The following THADA variants were observed in gnomAD, a reference collection of about 807,000 sequenced individuals.
The protein encoded by THADA is tRNA (32-2'-O)-methyltransferase regulator THADA.
Under a neutral mutation model 219.8 loss-of-function variants are expected in THADA, and 213 were observed. The observed-to-expected ratio is 0.97, with a 90% CI of 0.87 to 1.09. The LOEUF is 1.09. Ranked by LOEUF, THADA falls within the 50% of genes least tolerant of loss-of-function variation. The pLI is 0.00. For synonymous variants in THADA, 1,018 were observed against 828.9 expected, an observed-to-expected ratio of 1.23 and a Z score of -3.92; for missense variants, 2,956 against 2,311.3, an observed-to-expected ratio of 1.28 and a Z score of -5.72.
At chr2:43,555,274 A>T (rs1697211508) in intron 17 of THADA, among the ~76,000 whole-genome samples, 1 of 151,746 alleles carries the variant, frequency 6.6e-6, no homozygotes, top group South Asian at 2.1e-4. Context: ...TATAAAATAC[A>T]GCCAGGATAA....
chr2:43,593,471 G>C (rs1701797598), intron 1 of THADA, among the ~76,000 whole-genome samples: 1 of 152,152 alleles, frequency 6.6e-6, no homozygotes, highest in Admixed American at 6.5e-5. Context: ...ACAAACAATG[G>C]AACTATTTCT....
intron 26 of THADA, among the ~76,000 whole-genome samples, 190 bp downstream of exon 26, chr2:43,485,044 C>T (rs1449646822): frequency 6.6e-6 from 1 of 151,874 alleles, no homozygotes; most frequent in African/African-American, 2.4e-5. Flanking sequence ...GAAAGGTCCA[C>T]TTATTAAACA....
At chr2:43,265,897 G>A (rs529476159) in intron 36 of THADA, among the ~76,000 whole-genome samples, 92 of 150,582 alleles carry the variant, frequency 6.1e-4, no homozygotes, top group Non-Finnish European at 7.8e-4. Flanking sequence ...TTAAGGGGGC[G>A]AGGATGATAA....
intron 35 of THADA, among the ~76,000 whole-genome samples, chr2:43,280,587 G>T (rs1032638115): frequency 1.3e-5 from 2 of 152,054 alleles, no homozygotes; most frequent in African/African-American, 4.8e-5. Context: ...AACTGAGATC[G>T]TGCCACTGCA....
At chr2:43,513,813 G>C (rs1397876680) in intron 22 of THADA, among the ~76,000 whole-genome samples, 1 of 152,120 alleles carries the variant, frequency 6.6e-6, no homozygotes, top group Non-Finnish European at 1.5e-5. Context: ...CACTCTATAT[G>C]AAACTAATTT....
intron 25 of THADA, among the ~76,000 whole-genome samples, chr2:43,495,644 A>G (rs907707271): frequency 1.3e-5 from 2 of 152,130 alleles, no homozygotes; most frequent in Admixed American, 6.5e-5. Context: ...TGAATCACTC[A>G]TTTCTGATAG....
intron 30 of THADA, among the ~76,000 whole-genome samples, chr2:43,339,324 G>A (rs575680546): frequency 1.3e-5 from 2 of 152,264 alleles, no homozygotes; most frequent in East Asian, 1.9e-4. Flanking sequence ...TCTGTTGCTC[G>A]GGTTGGAATG....
chr2:43,448,557 TTTC>T (rs886531327), intron 26 of THADA, among the ~76,000 whole-genome samples: 2 of 98,362 alleles, frequency 2.0e-5, no homozygotes, highest in Non-Finnish European at 4.2e-5. Context: ...CTTTTCTTCC[TTTC>T]TTTTTTTTTT....
At chr2:43,233,084 G>A (rs1246134204) in intron 36 of THADA, 4 of 588,986 alleles carry the variant, frequency 6.8e-6, no homozygotes, top group Non-Finnish European at 1.2e-5. Context: ...TGAGTCATAG[G>A]CCTGAACCCA....
intron 22 of THADA, among the ~76,000 whole-genome samples, chr2:43,516,622 C>A (rs1286228315): frequency 6.6e-6 from 1 of 152,040 alleles, no homozygotes; most frequent in East Asian, 1.9e-4. Context: ...GTAGAAGAGA[C>A]GGAAGCTAAA....
intron 22 of THADA, among the ~76,000 whole-genome samples, chr2:43,513,495 C>T (rs1295961554): frequency 2.0e-5 from 3 of 152,116 alleles, no homozygotes; most frequent in Non-Finnish European, 4.4e-5. Context: ...TGAGAAGAAC[C>T]TGAAAAAGGG....
At chr2:43,507,169 A>AT (rs1224522390) in intron 23 of THADA, among the ~76,000 whole-genome samples, 2 of 152,198 alleles carry the variant, frequency 1.3e-5, no homozygotes, top group Non-Finnish European at 2.9e-5. Flanking sequence ...TTAAAAAAAA[A>AT]TTTAGACTTC....
intron 29 of THADA, among the ~76,000 whole-genome samples, chr2:43,359,631 G>C (rs567684435): frequency 6.6e-6 from 1 of 152,334 alleles, no homozygotes; most frequent in African/African-American, 2.4e-5. Context: ...AGTGAGCGAA[G>C]ATTGCGCCAC....
chr2:43,273,899 A>G (rs1672421565), intron 36 of THADA, among the ~76,000 whole-genome samples: 1 of 152,012 alleles, frequency 6.6e-6, no homozygotes, highest in South Asian at 2.1e-4. Flanking sequence ...ACACATGTAT[A>G]CATGTGTGCA....
intron 26 of THADA, among the ~76,000 whole-genome samples, chr2:43,443,494 C>T (rs1261179153): frequency 6.6e-6 from 1 of 152,188 alleles, no homozygotes; most frequent in Non-Finnish European, 1.5e-5. Flanking sequence ...TAAGTTACCA[C>T]TGCAGATATA....
At chr2:43,443,210 A>G (rs983527137) in intron 26 of THADA, among the ~76,000 whole-genome samples, 19 of 152,234 alleles carry the variant, frequency 1.2e-4, no homozygotes, top group Non-Finnish European at 5.9e-5. Flanking sequence ...GGTGCCTACT[A>G]AACAGTTGCC....
chr2:43,376,342 A>C (rs1172738897), intron 29 of THADA, among the ~76,000 whole-genome samples: 1 of 152,218 alleles, frequency 6.6e-6, no homozygotes, highest in Non-Finnish European at 1.5e-5. Flanking sequence ...CTCTTCAAAA[A>C]ATGGTCTCCA....
At chr2:43,522,186 T>C (rs1384941194) in intron 22 of THADA, among the ~76,000 whole-genome samples, 1 of 152,220 alleles carries the variant, frequency 6.6e-6, no homozygotes, top group Non-Finnish European at 1.5e-5. Flanking sequence ...TGCATGTATA[T>C]TTTAAATAGG....
intron 36 of THADA, among the ~76,000 whole-genome samples, chr2:43,266,575 C>A (rs370924153): frequency 1.5e-4 from 23 of 152,274 alleles, no homozygotes; most frequent in African/African-American, 5.3e-4. Flanking sequence ...TGCACTCCAG[C>A]CTGGGCGACA....
Sources: allele counts gnomAD v4.1 joint callset (sites outside exome capture counted in the v4.1 genomes callset), GRCh38; gene constraint gnomAD v4.1.1; transcripts MANE v1.5; gene names NCBI Gene and HGNC (gene_info 2026-07-23, HGNC 2026-07-21).